Variants in HERC4 observed in about 807,000 individuals in gnomAD.
HERC4 encodes HECT and RLD domain containing E3 ubiquitin protein ligase 4.
A neutral mutation model predicts 124.3 loss-of-function variants in HERC4; 28 were observed. That is an observed-to-expected ratio of 0.23 (90% CI 0.17 to 0.31). HERC4 has a LOEUF of 0.31. Among genes scored for constraint, HERC4 ranks in the 10% least tolerant of loss-of-function variants. The pLI, the probability that HERC4 is intolerant of heterozygous loss-of-function variation, is 1.00. For missense variants in HERC4, 713 were observed against 1,229.3 expected (o/e 0.58, Z 6.28); for synonymous variants, 407 against 421.5 (o/e 0.97, Z 0.42).
intron 3 of HERC4, among the ~76,000 whole-genome samples, chr10:68,071,319 T>TA (rs1366208594): frequency 6.6e-6 from 1 of 152,254 alleles, no homozygotes; most frequent in African/African-American, 2.4e-5. Flanking sequence ...ATAATCATTA[T>TA]ACTACTAGTA....
intron 3 of HERC4, among the ~76,000 whole-genome samples, chr10:68,055,687 C>T (rs1020157506): frequency 3.3e-5 from 5 of 151,468 alleles, no homozygotes; most frequent in South Asian, 4.2e-4. Context: ...TCAAATATAA[C>T]ATAGTTATGT....
chr10:68,047,786 T>C (rs972360952), intron 3 of HERC4, among the ~76,000 whole-genome samples: 1 of 152,182 alleles, frequency 6.6e-6, no homozygotes, highest in African/African-American at 2.4e-5. Context: ...CTGGTGGGAA[T>C]GCAAAATGGT....
At chr10:67,958,853 G>A (rs996463424) in intron 16 of HERC4, among the ~76,000 whole-genome samples, 2 of 152,032 alleles carry the variant, frequency 1.3e-5, no homozygotes, top group African/African-American at 4.8e-5. Context: ...GACTTGAGGA[G>A]GACAGAAACT....
intron 8 of HERC4, among the ~76,000 whole-genome samples, chr10:68,015,142 C>G (rs770480902): frequency 9.9e-5 from 15 of 151,698 alleles, no homozygotes; most frequent in Non-Finnish European, 2.1e-4. Flanking sequence ...GTCTCAGTTC[C>G]GAGCCTTTGC....
At chr10:68,015,603 G>A (rs1323986551) in intron 8 of HERC4, among the ~76,000 whole-genome samples, 1 of 152,038 alleles carries the variant, frequency 6.6e-6, no homozygotes, top group East Asian at 1.9e-4. Flanking sequence ...ATTTTAAAGG[G>A]GTTTTGATTC....
intron 7 of HERC4, 83 bp from the exon 8 acceptor site, chr10:68,025,759 TAATATA>T: frequency 7.2e-7 from 1 of 1,397,770 alleles, no homozygotes; most frequent in Non-Finnish European, 9.6e-7. Context: ...TCCAAATCTT[TAATATA>T]AACTCAGTTT....
At chr10:67,929,549 G>T (rs1403379884) in intron 23 of HERC4, among the ~76,000 whole-genome samples, 1 of 151,824 alleles carries the variant, frequency 6.6e-6, no homozygotes, top group East Asian at 1.9e-4. Context: ...TTGAGACAGG[G>T]TCTTGCTTTG....
chr10:67,960,538 A>T (rs2034444727), intron 16 of HERC4, among the ~76,000 whole-genome samples: 1 of 152,110 alleles, frequency 6.6e-6, no homozygotes, highest in African/African-American at 2.4e-5. Flanking sequence ...GGCATGTGCC[A>T]CCACGCCTAG....
At chr10:67,938,547 C>T (rs2032586083) in intron 21 of HERC4, among the ~76,000 whole-genome samples, 1 of 152,094 alleles carries the variant, frequency 6.6e-6, no homozygotes, top group Non-Finnish European at 1.5e-5. Flanking sequence ...TCTGGAGTGC[C>T]TTACCGTAAT....
intron 22 of HERC4, among the ~76,000 whole-genome samples, chr10:67,934,667 T>C (rs149291370): frequency 6.6e-6 from 1 of 152,290 alleles, no homozygotes; most frequent in Admixed American, 6.5e-5. Context: ...ATTTGATAAT[T>C]TGGATACAGA....
At chr10:67,933,256 A>C (rs76231628) in intron 22 of HERC4, among the ~76,000 whole-genome samples, 2,325 of 152,242 alleles carry the variant, frequency 0.015, 57 homozygotes, top group African/African-American at 0.053. Context: ...TTACTTTAAC[A>C]AATGCCTAAG....
intron 9 of HERC4, among the ~76,000 whole-genome samples, chr10:68,013,679 G>A (rs2038099977): frequency 6.6e-6 from 1 of 152,168 alleles, no homozygotes; most frequent in African/African-American, 2.4e-5. Context: ...ACGTGAATAT[G>A]CTTAATGCTA....
intron 23 of HERC4, among the ~76,000 whole-genome samples, chr10:67,929,099 A>G (rs1589113531): frequency 6.6e-6 from 1 of 151,868 alleles, no homozygotes; most frequent in East Asian, 1.9e-4. Flanking sequence ...TTCTATTTTT[A>G]TTCCATTTCT....
intron 15 of HERC4, among the ~76,000 whole-genome samples, chr10:67,985,149 C>G (rs1589250784): frequency 6.6e-6 from 1 of 152,276 alleles, no homozygotes. Flanking sequence ...TACATGCCCT[C>G]CCAAGTGTTC....
chr10:68,016,413 C>T lies in HERC4; in HGVS notation c.909-2227G>A, dbSNP rs1034850299. On this transcript the variant is annotated intron_variant, in intron 8 of 24. Transcript: ENST00000373700. ...CTGTTGCCAGGCTGGAGTGCAGTGG[C>T]GTGATCTTGGCTCACTGCAACCTCC... is the stretch of plus-strand genomic sequence containing the variant. Among the ~76,000 whole-genome samples the T allele has an allele frequency of 2.2e-4, 34 of 152,038 alleles. 1 individual carries two copies. Among genetic ancestry groups the T allele is most frequent in the African/African-American group, 7.7e-4 (32 of 41,392 alleles).
At chr10:67,976,115 T>G (rs61686051) in intron 15 of HERC4, among the ~76,000 whole-genome samples, 1 of 152,096 alleles carries the variant, frequency 6.6e-6, no homozygotes, top group Non-Finnish European at 1.5e-5. Context: ...GAGAGTTGAC[T>G]AGTTGCAACA....
chr10:67,939,936 A>C lies in HERC4; in HGVS notation c.2505-282T>G, dbSNP rs529762390. On this transcript the variant is annotated intron_variant, in intron 20 of 24. Coordinates refer to ENST00000373700, the MANE Select transcript of HERC4 (RefSeq NM_015601.4). ...ATTTTTCCTTATTTTATTTTATTTT[A>C]TTTTTCCCGAGATGGAGTCTTGCTC... Among the ~76,000 whole-genome samples, 564 of 151,868 alleles carry C rather than the reference A, an allele frequency of 3.7e-3. 3 individuals are homozygous for C. Among genetic ancestry groups the C allele is most frequent in the Non-Finnish European group, 6.2e-3 (423 of 67,910 alleles).
intron 4 of HERC4, among the ~76,000 whole-genome samples, chr10:68,042,967 T>A (rs1262642814): frequency 6.6e-6 from 1 of 152,288 alleles, no homozygotes; most frequent in Non-Finnish European, 1.5e-5. Flanking sequence ...TTAATACAGA[T>A]GTTGAGCACA....
intron 15 of HERC4, among the ~76,000 whole-genome samples, chr10:67,970,313 T>C (rs2035152217): frequency 6.6e-6 from 1 of 152,284 alleles, no homozygotes; most frequent in Non-Finnish European, 1.5e-5. Context: ...CTGAACAGGC[T>C]GGGCATGGTG....
Sources: allele counts gnomAD v4.1 joint callset (sites outside exome capture counted in the v4.1 genomes callset), GRCh38; gene constraint gnomAD v4.1.1; transcripts MANE v1.5; gene names NCBI Gene and HGNC (gene_info 2026-07-23, HGNC 2026-07-21).